ACAP2: variants seen among roughly 807,000 people sequenced by gnomAD.
ACAP2 encodes ArfGAP with coiled-coil, ankyrin repeat and PH domains 2.
In ACAP2, 39 loss-of-function variants were observed where a neutral mutation model predicts 115.8. That is an observed-to-expected ratio of 0.34 (90% CI 0.26 to 0.44). ACAP2 has a LOEUF of 0.44. Ranked by LOEUF, ACAP2 falls within the 20% of genes least tolerant of loss-of-function variation. The pLI, the probability that ACAP2 is intolerant of heterozygous loss-of-function variation, is 1.00. For synonymous variants in ACAP2, 289 were observed against 315.8 expected, an observed-to-expected ratio of 0.92 and a Z score of 0.90; for missense variants, 662 against 927.6, an observed-to-expected ratio of 0.71 and a Z score of 3.72.
chr3:195,358,091 C>T (rs1319874791), intron 4 of ACAP2, among the ~76,000 whole-genome samples: 1 of 152,226 alleles, frequency 6.6e-6, no homozygotes, highest in East Asian at 1.9e-4. Flanking sequence ...TGGGTGGGGA[C>T]ACAAAGCCTA....
chr3:195,355,979 G>A (rs150744453), intron 4 of ACAP2: 107 of 382,140 alleles, frequency 2.8e-4, no homozygotes, highest in African/African-American at 1.9e-3. Context: ...TCCACCGATT[G>A]TCCTCCCTGC....
intron 1 of ACAP2, among the ~76,000 whole-genome samples, chr3:195,422,056 T>C (rs1028491538): frequency 6.6e-6 from 1 of 152,180 alleles, no homozygotes; most frequent in East Asian, 1.9e-4. Context: ...AGTTCATTTT[T>C]TGTGTATCGA....
intron 2 of ACAP2, among the ~76,000 whole-genome samples, chr3:195,382,764 G>A (rs1357891384): frequency 6.6e-6 from 1 of 151,754 alleles, no homozygotes; most frequent in Non-Finnish European, 1.5e-5. Context: ...TGAGACCTAG[G>A]GGAACAGAAA....
At chr3:195,304,981 C>T (rs1209180877) in intron 13 of ACAP2, among the ~76,000 whole-genome samples, 6 of 152,228 alleles carry the variant, frequency 3.9e-5, no homozygotes, top group Admixed American at 2.0e-4. Context: ...TGATGCCCAA[C>T]TCCATTCAAG....
intron 6 of ACAP2, among the ~76,000 whole-genome samples, chr3:195,340,683 G>C (rs977722408): frequency 6.6e-6 from 1 of 152,166 alleles, no homozygotes; most frequent in Non-Finnish European, 1.5e-5. Context: ...CAGTAAAACA[G>C]AATAGTCAAG....
At chr3:195,346,216 C>G (rs139607535) in intron 4 of ACAP2, among the ~76,000 whole-genome samples, 1,975 of 151,950 alleles carry the variant, frequency 0.013, 35 homozygotes, top group African/African-American at 0.043. Context: ...ATGTTAAACT[C>G]AAAGTACTAA....
At chr3:195,375,816 T>C (rs550710947) in intron 4 of ACAP2, among the ~76,000 whole-genome samples, 5 of 152,170 alleles carry the variant, frequency 3.3e-5, no homozygotes, top group African/African-American at 9.6e-5. Context: ...TCAAAAATGA[T>C]AGACAGACAA....
chr3:195,414,125 A>G (rs1713520336), intron 1 of ACAP2, among the ~76,000 whole-genome samples: 1 of 152,260 alleles, frequency 6.6e-6, no homozygotes, highest in East Asian at 1.9e-4. Context: ...CTACACACCT[A>G]TTAGAATGAT....
chr3:195,368,351 T>C (rs993586941), intron 4 of ACAP2, among the ~76,000 whole-genome samples: 1 of 152,178 alleles, frequency 6.6e-6, no homozygotes, highest in Admixed American at 6.5e-5. Flanking sequence ...GGTTTCACCA[T>C]GTTGGCCAGA....
intron 4 of ACAP2, among the ~76,000 whole-genome samples, chr3:195,375,825 A>T (rs1040259927): frequency 3.3e-5 from 5 of 152,174 alleles, no homozygotes; most frequent in African/African-American, 1.2e-4. Context: ...ATAGACAGAC[A>T]ACAAAAAGAG....
chr3:195,343,565 G>C (rs946967487), intron 5 of ACAP2, among the ~76,000 whole-genome samples: 6 of 152,138 alleles, frequency 3.9e-5, no homozygotes, highest in African/African-American at 1.4e-4. Context: ...CAGCTGGGAC[G>C]ACAGGCACAT....
intron 4 of ACAP2, among the ~76,000 whole-genome samples, chr3:195,346,830 G>A (rs13073512): frequency 6.6e-6 from 1 of 152,088 alleles, no homozygotes; most frequent in Admixed American, 6.6e-5. Flanking sequence ...CAATAAAAAA[G>A]AATGATTATT....
intron 4 of ACAP2, among the ~76,000 whole-genome samples, chr3:195,363,291 G>C (rs973382465): frequency 6.6e-6 from 1 of 152,180 alleles, no homozygotes; most frequent in Non-Finnish European, 1.5e-5. Context: ...AAATGTTGAA[G>C]AGGACACAAA....
rs569728644 is a variant in ACAP2, at chr3:195,389,974, T to C, written c.111+2116A>G. On this transcript the variant is annotated intron_variant, in intron 2 of 22. Transcript: ENST00000326793. ...ACTTTGGGAGGCCGAGGCGGGCGGATTGCCTGAGCACAGGAGTTCGAGACC... is the reference window on the plus strand; with the variant it reads ...ACTTTGGGAGGCCGAGGCGGGCGGACTGCCTGAGCACAGGAGTTCGAGACC... Among the ~76,000 whole-genome samples the C allele has an allele frequency of 5.3e-3, 811 of 152,270 alleles. 2 individuals carry two copies. The highest frequency in any genetic ancestry group is 0.012 in the Admixed American group (187 of 15,290).
intron 14 of ACAP2, 51 bp downstream of exon 14, chr3:195,301,915 A>C: frequency 6.3e-7 from 1 of 1,574,950 alleles, no homozygotes; most frequent in Non-Finnish European, 8.7e-7. Context: ...AACCATTTCT[A>C]TCTGTGTTTA....
chr3:195,349,145 T>C (rs1030190611), intron 4 of ACAP2, among the ~76,000 whole-genome samples: 5 of 152,182 alleles, frequency 3.3e-5, no homozygotes, highest in South Asian at 2.1e-4. Flanking sequence ...AAATCAGTTG[T>C]ATTTCTAAGA....
intron 4 of ACAP2, among the ~76,000 whole-genome samples, chr3:195,360,929 A>C (rs369743623): frequency 2.5e-4 from 38 of 151,520 alleles, no homozygotes; most frequent in African/African-American, 9.0e-4. Context: ...CAGCACATGA[A>C]TCATTCTTAA....
intron 20 of ACAP2, 116 bp from the exon 21 acceptor site, chr3:195,289,347 A>C: frequency 1.4e-6 from 1 of 721,164 alleles, no homozygotes; most frequent in South Asian, 1.7e-5. Flanking sequence ...TTCTTGATTC[A>C]TTCTACAAAT....
At chr3:195,374,772 C>A (rs867186906) in intron 4 of ACAP2, among the ~76,000 whole-genome samples, 14 of 151,836 alleles carry the variant, frequency 9.2e-5, no homozygotes, top group Admixed American at 2.0e-4. Flanking sequence ...TGGAGTGCAG[C>A]GGCACCATCT....
Sources: allele counts gnomAD v4.1 joint callset (sites outside exome capture counted in the v4.1 genomes callset), GRCh38; gene constraint gnomAD v4.1.1; transcripts MANE v1.5; gene names NCBI Gene and HGNC (gene_info 2026-07-23, HGNC 2026-07-21).